Variants in STIM1 observed in about 807,000 individuals in gnomAD.
STIM1 encodes the protein stromal interaction molecule 1.
In STIM1, 25 loss-of-function variants were observed where a neutral mutation model predicts 74.7. That is an observed-to-expected ratio of 0.33 (90% confidence interval 0.24 to 0.47). The LOEUF is 0.47. Ranked by LOEUF, STIM1 falls within the 20% of genes least tolerant of loss-of-function variation. The pLI is 1.00. For missense variants in STIM1, 728 were observed against 920.8 expected, an observed-to-expected ratio of 0.79 and a Z score of 2.71; for synonymous variants, 328 against 348.8, an observed-to-expected ratio of 0.94 and a Z score of 0.66.
At position 4,092,778 on chromosome 11, in the gene STIM1, G is replaced by A. The variant is rs958773045; in HGVS notation, c.*980G>A. 2 of 152,226 alleles carry A rather than the reference G, an allele frequency of 1.3e-5. No homozygotes were observed. The highest frequency in any genetic ancestry group is 2.9e-5 in the Non-Finnish European group (2 of 68,042). The allele number at this position is 152,226 out of a possible 1,614,324, so 9.4% of individuals were successfully genotyped here. On this transcript the variant is annotated 3_prime_UTR_variant, in exon 13 of 13. Coordinates refer to ENST00000526596, the MANE Select transcript of STIM1 (RefSeq NM_001382567.1). The stretch of plus-strand genomic sequence containing the variant: ...GACAAACAGGTTAAAAGGAAAAAAA[G>A]TAATCTGAATTTCCCAAGTGCCTAC...
At chr11:4,056,797 T>G (rs1437501157) in intron 4 of STIM1, among the ~76,000 whole-genome samples, 1 of 152,234 alleles carries the variant, frequency 6.6e-6, no homozygotes, top group African/African-American at 2.4e-5. Flanking sequence ...TTATTTCAGT[T>G]GATTCTCACA....
chr11:3,956,464 T>C (rs896636966), intron 1 of STIM1, among the ~76,000 whole-genome samples: 2 of 152,162 alleles, frequency 1.3e-5, no homozygotes, highest in African/African-American at 4.8e-5. Flanking sequence ...GAGACATCCA[T>C]GTGATGTCTA....
chr11:4,028,322 T>C (rs866768525), intron 3 of STIM1, among the ~76,000 whole-genome samples: 4 of 152,182 alleles, frequency 2.6e-5, no homozygotes, highest in Non-Finnish European at 5.9e-5. Context: ...TCTCAAGTGA[T>C]CTACCCGCCT....
chr11:3,937,144 A>C (rs1217598007), intron 1 of STIM1, among the ~76,000 whole-genome samples: 4 of 151,932 alleles, frequency 2.6e-5, no homozygotes, highest in Admixed American at 2.0e-4. Context: ...TACAAAAATT[A>C]GCTGGGTGTG....
At chr11:3,992,111 T>TA (rs2093621937) in intron 2 of STIM1, among the ~76,000 whole-genome samples, 1 of 128,098 alleles carries the variant, frequency 7.8e-6, no homozygotes, top group African/African-American at 3.2e-5. Flanking sequence ...TTTTTTTTTT[T>TA]AGTTTTTAAT....
intron 1 of STIM1, among the ~76,000 whole-genome samples, chr11:3,862,381 G>A (rs1354659813): frequency 1.3e-5 from 2 of 152,124 alleles, no homozygotes; most frequent in Non-Finnish European, 1.5e-5. Context: ...ACCACTGTGA[G>A]CATCTGAGGC....
intron 1 of STIM1, among the ~76,000 whole-genome samples, chr11:3,870,195 A>G (rs534198617): frequency 6.6e-6 from 1 of 152,318 alleles, no homozygotes; most frequent in Admixed American, 6.5e-5. Context: ...GCCTAAAGTC[A>G]TACAGTAACT....
At chr11:3,868,293 G>T (rs928897979) in intron 1 of STIM1, 1 of 152,238 alleles carries the variant, frequency 6.6e-6, no homozygotes. Context: ...GATGATGACA[G>T]CTACTATTTA....
In STIM1 at chr11:4,028,595, G is replaced by A. The variant is rs183428679; in HGVS notation, c.385+4608G>A. Among the ~76,000 whole-genome samples, 628 of 151,350 alleles carry A rather than the reference G, an allele frequency of 4.1e-3. 7 individuals carry two copies. The highest frequency in any genetic ancestry group is 0.015 in the African/African-American group (606 of 41,262). Reference sequence around the variant, plus strand: ...GGCTAATTTTTGTATTTTTAGTAGAGACGGGGTTTCACCATGTTGGACCAG... The same window carrying A: ...GGCTAATTTTTGTATTTTTAGTAGAAACGGGGTTTCACCATGTTGGACCAG... On this transcript the variant is annotated intron_variant, in intron 3 of 12. Transcript: ENST00000526596.
At chr11:4,016,919 CG>C (rs2093903724) in intron 2 of STIM1, among the ~76,000 whole-genome samples, 1 of 152,224 alleles carries the variant, frequency 6.6e-6, no homozygotes, top group African/African-American at 2.4e-5. Flanking sequence ...TTGCGAAGAC[CG>C]TGGGAAAAGT....
chr11:4,083,510 C>G lies in STIM1; in HGVS notation c.1474+12C>G. 6.2e-7 allele frequency: 1 copy of G among 1,608,456 alleles called. No individual in the cohort carries two copies. The highest frequency in any genetic ancestry group is 8.5e-7 in the Non-Finnish European group (1 of 1,176,962). ...CTTGTCCATGCAGTGTAGGTGACCT[C>G]TTTGCGGGGATGAAGGAAGGAGCCT... On this transcript the variant is annotated intron_variant, in intron 10 of 12. Transcript: ENST00000526596.
At position 4,072,725 on chromosome 11, in the gene STIM1, A is replaced by G. The variant is rs377267328; in HGVS notation, c.792-1777A>G. On this transcript the variant is annotated intron_variant, in intron 6 of 12. Transcript: ENST00000526596. Reference sequence around the variant, plus strand: ...TGGCTTTTCTCAAGAGGCTGCTTTCATAAAAGGACAGTATTTCAGTGAAGA... The same window carrying G: ...TGGCTTTTCTCAAGAGGCTGCTTTCGTAAAAGGACAGTATTTCAGTGAAGA... 3.3e-5 allele frequency among the ~76,000 whole-genome samples: 5 copies of G among 152,382 alleles called. No homozygotes were observed. The East Asian group carries it at 5.8e-4, about 18-fold the overall frequency.
Position 3,967,487 on chromosome 11 carries a change from A to G in STIM1, c.140-65A>G, listed in dbSNP as rs181268828. 1.4e-4 allele frequency: 221 copies of G among 1,612,434 alleles called. No individual in the cohort carries two copies. In the African/African-American group the frequency reaches 2.8e-3, roughly 20 times the overall value. ...GATGCTAGAAGCTAAGGATGCTGAC[A>G]CAGGTGGGTGATAGGTTCTGGGTGG... On this transcript the variant is annotated intron_variant, in intron 1 of 12. Transcript: ENST00000526596.
At chr11:3,977,651 A>G (rs1054585208) in intron 2 of STIM1, among the ~76,000 whole-genome samples, 2 of 152,232 alleles carry the variant, frequency 1.3e-5, no homozygotes, top group Non-Finnish European at 2.9e-5. Flanking sequence ...TTACGTTATC[A>G]TCAGAAAGAA....
At chr11:4,019,503 G>A (rs1384119711) in intron 2 of STIM1, among the ~76,000 whole-genome samples, 3 of 151,962 alleles carry the variant, frequency 2.0e-5, no homozygotes, top group East Asian at 1.9e-4. Context: ...GTGAGACACC[G>A]TGTGTACAAA....
At chr11:3,866,626 C>T (rs780459709) in intron 1 of STIM1, among the ~76,000 whole-genome samples, 4 of 151,976 alleles carry the variant, frequency 2.6e-5, no homozygotes, top group Non-Finnish European at 5.9e-5. Context: ...GGGGTTTCAC[C>T]ATGTTGATCA....
intron 3 of STIM1, among the ~76,000 whole-genome samples, chr11:4,035,980 G>T (rs1231579040): frequency 6.6e-6 from 1 of 151,848 alleles, no homozygotes; most frequent in East Asian, 1.9e-4. Context: ...GTTTAGCCCT[G>T]CAGCCATTAG....
chr11:3,918,035 G>A (rs2092671244), intron 1 of STIM1, among the ~76,000 whole-genome samples: 1 of 152,170 alleles, frequency 6.6e-6, no homozygotes, highest in African/African-American at 2.4e-5. Flanking sequence ...TGAGTAACTA[G>A]AAAGCCTAGA....
chr11:4,000,009 C>T (rs2093698278), intron 2 of STIM1, among the ~76,000 whole-genome samples: 1 of 152,026 alleles, frequency 6.6e-6, no homozygotes, highest in Admixed American at 6.5e-5. Context: ...GATCAAACTG[C>T]AAGGCGGCAG....
Sources: gnomAD v4.1 joint callset for allele counts (sites outside exome capture counted in the v4.1 genomes callset) on GRCh38, gnomAD v4.1.1 for gene constraint, MANE v1.5 for transcripts, NCBI Gene and HGNC (gene_info 2026-07-23, HGNC 2026-07-21) for gene names.